Variants in NAALADL2 observed in about 807,000 individuals in gnomAD.
NAALADL2 encodes inactive N-acetylated-alpha-linked acidic dipeptidase-like protein 2.
NAALADL2 carries 76 observed loss-of-function variants against 87.2 expected under a neutral mutation model. The observed-to-expected ratio is 0.87, with a 90% CI of 0.72 to 1.05. The LOEUF is 1.05. Ranked by LOEUF, NAALADL2 falls within the 50% of genes least tolerant of loss-of-function variation. The pLI, the probability that NAALADL2 is intolerant of heterozygous loss-of-function variation, is 0.00. For missense variants in NAALADL2, 1,089 were observed against 945.8 expected, an observed-to-expected ratio of 1.15 and a Z score of -1.99; for synonymous variants, 354 against 331.0, an observed-to-expected ratio of 1.07 and a Z score of -0.75.
intron 2 of NAALADL2, among the ~76,000 whole-genome samples, chr3:174,601,126 A>C (rs1225583141): frequency 1.3e-5 from 2 of 152,100 alleles, no homozygotes; most frequent in Non-Finnish European, 1.5e-5. Context: ...TCTTCAATAT[A>C]CTGATTTTCT....
intron 4 of NAALADL2, among the ~76,000 whole-genome samples, chr3:175,282,811 G>T (rs1754475797): frequency 6.6e-6 from 1 of 151,608 alleles, no homozygotes; most frequent in Non-Finnish European, 1.5e-5. Flanking sequence ...ATGTCCTTGG[G>T]TTTTACGAGT....
intron 5 of NAALADL2, among the ~76,000 whole-genome samples, chr3:175,370,460 G>GT (rs1766325739): frequency 6.6e-6 from 1 of 150,774 alleles, no homozygotes; most frequent in Non-Finnish European, 1.5e-5. Context: ...TTCTGTAATG[G>GT]TTAAAAAATG....
chr3:175,271,945 A>G (rs1752903917), intron 4 of NAALADL2, among the ~76,000 whole-genome samples: 1 of 152,342 alleles, frequency 6.6e-6, no homozygotes, highest in South Asian at 2.1e-4. Flanking sequence ...AAATTCTAGA[A>G]TATCTAATGA....
chr3:174,594,015 T>C (rs1030455367), intron 2 of NAALADL2, among the ~76,000 whole-genome samples: 2 of 152,200 alleles, frequency 1.3e-5, no homozygotes, highest in Admixed American at 1.3e-4. Flanking sequence ...GACATTTACA[T>C]GGTTCCAGAA....
chr3:174,865,014 A>G (rs977136276), intron 1 of NAALADL2, among the ~76,000 whole-genome samples: 5 of 152,060 alleles, frequency 3.3e-5, no homozygotes, highest in African/African-American at 9.7e-5. Context: ...ATGTGTCAAT[A>G]GTTTTATTTG....
chr3:175,407,678 A>C (rs1265839039), intron 5 of NAALADL2, among the ~76,000 whole-genome samples: 1 of 152,238 alleles, frequency 6.6e-6, no homozygotes, highest in Non-Finnish European at 1.5e-5. Flanking sequence ...TTCGGACTGC[A>C]GTAGTCACAG....
chr3:174,785,847 A>C (rs916171328), intron 3 of NAALADL2, among the ~76,000 whole-genome samples: 1 of 152,186 alleles, frequency 6.6e-6, no homozygotes, highest in African/African-American at 2.4e-5. Flanking sequence ...AAAACTTGTC[A>C]GAGTACTCTA....
rs1212551637 is a variant in NAALADL2, at chr3:175,449,394, C to CTTCTTTTTTTT, written c.1234+2024_1234+2025insCTTTTTTTTTT. On this transcript the variant is annotated intron_variant, in intron 6 of 13. Coordinates refer to ENST00000454872, the MANE Select transcript of NAALADL2 (RefSeq NM_207015.3). The stretch of plus-strand genomic sequence containing the variant: ...TGCCTGGCCTAACATTAATTTTCTT[C>CTTCTTTTTTTT]TTTTTTTTTTTTTTTTTTTGAGACA... Among the ~76,000 whole-genome samples, 79 of 48,546 alleles carry CTTCTTTTTTTT rather than the reference C, an allele frequency of 1.6e-3. 1 individual carries two copies. In the East Asian group the frequency reaches 0.032, roughly 20 times the overall value. 31.8% of individuals were successfully genotyped at this position (48,546 alleles called of 152,430 possible). A position where few individuals can be genotyped will look rare whatever the true frequency, so the allele number is the denominator to read the frequency against.
intron 9 of NAALADL2, among the ~76,000 whole-genome samples, chr3:175,485,186 TTG>T (rs1727070067): frequency 1.3e-5 from 2 of 152,160 alleles, no homozygotes; most frequent in Non-Finnish European, 2.9e-5. Context: ...TACTGAATGT[TTG>T]TGTTTCCACA....
At chr3:174,637,506 A>G (rs1355980077) in intron 2 of NAALADL2, among the ~76,000 whole-genome samples, 1 of 151,794 alleles carries the variant, frequency 6.6e-6, no homozygotes, top group African/African-American at 2.4e-5. Flanking sequence ...CACTGGTTAG[A>G]AAAAAAATAA....
chr3:175,598,972 A>G (rs763625831), intron 10 of NAALADL2, among the ~76,000 whole-genome samples: 1 of 152,140 alleles, frequency 6.6e-6, no homozygotes, highest in African/African-American at 2.4e-5. Flanking sequence ...TTGAAGTTAC[A>G]TTGTTTGGAT....
At chr3:174,660,413 A>T (rs1222912036) in intron 2 of NAALADL2, among the ~76,000 whole-genome samples, 1 of 152,126 alleles carries the variant, frequency 6.6e-6, no homozygotes, top group Non-Finnish European at 1.5e-5. Context: ...GAAAGTTATT[A>T]TTTGCACAGG....
In NAALADL2 at chr3:175,498,536, G is replaced by A. The variant is rs983952435; in HGVS notation, c.1653+26778G>A. 2.0e-4 allele frequency among the ~76,000 whole-genome samples: 30 copies of A among 152,144 alleles called. 3 individuals carry two copies. The highest frequency in any genetic ancestry group is 1.2e-3 in the Admixed American group (19 of 15,266). On this transcript the variant is annotated intron_variant, in intron 9 of 13. Coordinates refer to ENST00000454872, the MANE Select transcript of NAALADL2 (RefSeq NM_207015.3). ...TTGCCTGGAAATAAACTATCTTGGA[G>A]TTCATTTGTAGTACCATGTGGGATA...
intron 1 of NAALADL2, among the ~76,000 whole-genome samples, chr3:174,916,517 A>T (rs1356040502): frequency 1.3e-5 from 2 of 152,136 alleles, no homozygotes; most frequent in Admixed American, 1.3e-4. Context: ...TATATACACC[A>T]TGGAATACTA....
At chr3:174,742,440 G>GT (rs1462234139) in intron 3 of NAALADL2, among the ~76,000 whole-genome samples, 2 of 151,642 alleles carry the variant, frequency 1.3e-5, no homozygotes, top group African/African-American at 4.8e-5. Flanking sequence ...AGTGTGGTCA[G>GT]TTTTTTAGAG....
intron 2 of NAALADL2, among the ~76,000 whole-genome samples, chr3:174,682,355 G>A (rs552019126): frequency 6.6e-6 from 1 of 152,270 alleles, no homozygotes; most frequent in Non-Finnish European, 1.5e-5. Flanking sequence ...AAGGACACAA[G>A]CCTGTCTGGC....
At chr3:175,264,579 T>G (rs1258676584) in intron 4 of NAALADL2, among the ~76,000 whole-genome samples, 1 of 151,726 alleles carries the variant, frequency 6.6e-6, no homozygotes, top group East Asian at 1.9e-4. Flanking sequence ...ATTTGATCTT[T>G]GAGTTAAACA....
chr3:174,954,548 T>G (rs570929092), intron 1 of NAALADL2, among the ~76,000 whole-genome samples: 1 of 152,158 alleles, frequency 6.6e-6, no homozygotes, highest in Non-Finnish European at 1.5e-5. Flanking sequence ...TGGCCAAAGT[T>G]AGATAAAAGA....
At chr3:174,931,531 A>T (rs1276893256) in intron 1 of NAALADL2, among the ~76,000 whole-genome samples, 4 of 152,198 alleles carry the variant, frequency 2.6e-5, no homozygotes, top group African/African-American at 9.6e-5. Flanking sequence ...GTCATTAAAC[A>T]TATTCATTTG....
Sources: gnomAD v4.1 joint callset for allele counts (sites outside exome capture counted in the v4.1 genomes callset) on GRCh38, gnomAD v4.1.1 for gene constraint, MANE v1.5 for transcripts, NCBI Gene and HGNC (gene_info 2026-07-23, HGNC 2026-07-21) for gene names.